The following TMIGD3 variants were observed in gnomAD, a reference collection of about 807,000 sequenced individuals.
TMIGD3 encodes transmembrane and immunoglobulin domain containing 3.
Under a neutral mutation model 28.1 loss-of-function variants are expected in TMIGD3, and 21 were observed. The observed-to-expected ratio is 0.75, with a 90% confidence interval of 0.53 to 1.08. TMIGD3 has a LOEUF of 1.08. TMIGD3 is among the 50% of genes least tolerant of loss of function. The probability of loss-of-function intolerance (pLI) is 0.00; values close to 1 mark genes in which losing one functional copy is unlikely to be tolerated. For synonymous variants in TMIGD3, 151 were observed against 162.1 expected (o/e 0.93, Z 0.52); for missense variants, 416 against 435.6 (o/e 0.96, Z 0.40).
intron 1 of TMIGD3, among the ~76,000 whole-genome samples, chr1:111,551,801 G>C (rs2101036609): frequency 6.7e-6 from 1 of 148,606 alleles, no homozygotes; most frequent in East Asian, 2.0e-4. Context: ...GAGGGATTCT[G>C]CAACTTTATT....
chr1:111,503,971 C>T (rs1316022119), upstream of TMIGD3: 2 of 985,310 alleles, frequency 2.0e-6, no homozygotes, highest in African/African-American at 1.7e-5. Flanking sequence ...AAAAAGATCT[C>T]ATGATAAGGA....
chr1:111,530,135 G>A (rs114139183), intron 1 of TMIGD3, among the ~76,000 whole-genome samples: 11,898 of 152,188 alleles, frequency 0.078, 626 homozygotes, highest in Middle Eastern at 0.17. Context: ...CTTTTGTGTC[G>A]GCTCATTAGC....
chr1:111,524,248 C>T (rs1364877405), intron 1 of TMIGD3, among the ~76,000 whole-genome samples: 1 of 151,990 alleles, frequency 6.6e-6, no homozygotes, highest in African/African-American at 2.4e-5. Context: ...CCAGGATGGT[C>T]TTGATCTCCT....
upstream of TMIGD3, among the ~76,000 whole-genome samples, chr1:111,506,913 TTA>T (rs3084253): frequency 1.6e-5 from 2 of 121,906 alleles, no homozygotes; most frequent in African/African-American, 7.4e-5. Context: ...TATATATATA[TTA>T]TATATATATA....
chr1:111,537,189 C>A (rs1352800358), intron 1 of TMIGD3, among the ~76,000 whole-genome samples: 1 of 152,218 alleles, frequency 6.6e-6, no homozygotes, highest in Non-Finnish European at 1.5e-5. Flanking sequence ...ACCATTGGAG[C>A]AATGGCTCCC....
intron 1 of TMIGD3, among the ~76,000 whole-genome samples, chr1:111,522,317 T>C (rs1419741487): frequency 3.3e-5 from 5 of 152,356 alleles, no homozygotes; most frequent in East Asian, 1.9e-4. Flanking sequence ...AGGAATTTGA[T>C]TGGATTGTGT....
chr1:111,552,522 TACTC>T (rs1193220657), intron 1 of TMIGD3, among the ~76,000 whole-genome samples: 2 of 152,220 alleles, frequency 1.3e-5, no homozygotes, highest in African/African-American at 4.8e-5. Flanking sequence ...CAGAGTACCT[TACTC>T]TACCATCTTC....
chr1:111,515,166 T>A lies in TMIGD3; in HGVS notation c.108-24404A>T, dbSNP rs113064542. Among the ~76,000 whole-genome samples, 1,353 of 152,316 alleles carry A rather than the reference T, an allele frequency of 8.9e-3. 18 individuals are homozygous for A. The highest frequency in any genetic ancestry group is 0.028 in the African/African-American group (1,170 of 41,556). On this transcript the variant is annotated intron_variant, in intron 1 of 5. Coordinates refer to the TMIGD3 transcript ENST00000369717. ...AACAGAAAGACAGCCCTTGGTCAGC[T>A]CTTCCACTGCGGAGGGAATCTCTAG...
At chr1:111,554,953 C>T (rs1657420032) in intron 1 of TMIGD3, among the ~76,000 whole-genome samples, 1 of 151,762 alleles carries the variant, frequency 6.6e-6, no homozygotes, top group South Asian at 2.1e-4. Flanking sequence ...GAAAAAGTGA[C>T]CTACCGAGAC....
intron 1 of TMIGD3, among the ~76,000 whole-genome samples, chr1:111,536,610 G>A (rs1366949926): frequency 1.3e-5 from 2 of 152,018 alleles, no homozygotes; most frequent in East Asian, 1.9e-4. Flanking sequence ...GCTCATACCC[G>A]CGATCCCTGT....
intron 1 of TMIGD3, among the ~76,000 whole-genome samples, chr1:111,493,190 T>G (rs1446624639): frequency 6.6e-6 from 1 of 152,190 alleles, no homozygotes; most frequent in Non-Finnish European, 1.5e-5. Context: ...ATAGTTTGCA[T>G]ATTTGACCCT....
At chr1:111,514,656 A>ACG (rs917270072) in intron 1 of TMIGD3, among the ~76,000 whole-genome samples, 4 of 151,644 alleles carry the variant, frequency 2.6e-5, no homozygotes, top group African/African-American at 9.7e-5. Context: ...ACACACACAC[A>ACG]CACACACACA....
chr1:111,541,536 G>A (rs931852541), intron 1 of TMIGD3, among the ~76,000 whole-genome samples: 9 of 152,162 alleles, frequency 5.9e-5, no homozygotes, highest in African/African-American at 1.7e-4. Context: ...TCAATGAAGC[G>A]TCCAAGTGGT....
intron 1 of TMIGD3, among the ~76,000 whole-genome samples, chr1:111,531,445 A>G (rs1251181663): frequency 6.6e-6 from 1 of 152,162 alleles, no homozygotes; most frequent in Non-Finnish European, 1.5e-5. Flanking sequence ...AACTTCATTC[A>G]GGTCTATTTT....
chr1:111,527,140 A>G (rs1656293922), intron 1 of TMIGD3, among the ~76,000 whole-genome samples: 1 of 149,460 alleles, frequency 6.7e-6, no homozygotes, highest in Admixed American at 6.8e-5. Context: ...TCTTCCAAGT[A>G]GCTGGGACTA....
intron 1 of TMIGD3, among the ~76,000 whole-genome samples, chr1:111,495,754 T>C (rs1654860193): frequency 6.6e-6 from 1 of 152,194 alleles, no homozygotes; most frequent in Non-Finnish European, 1.5e-5. Context: ...GGAATCAACC[T>C]AAATGCCCAT....
At chr1:111,511,381 G>C (rs1002356290) in intron 1 of TMIGD3, among the ~76,000 whole-genome samples, 3 of 152,118 alleles carry the variant, frequency 2.0e-5, no homozygotes, top group Admixed American at 2.0e-4. Flanking sequence ...GTACTCTCAG[G>C]TCTGTCTTCT....
chr1:111,496,328 C>A (rs542499274), intron 1 of TMIGD3, among the ~76,000 whole-genome samples: 63 of 152,300 alleles, frequency 4.1e-4, no homozygotes, highest in Admixed American at 1.6e-3. Context: ...CTTCTAGTTA[C>A]CCTGCCTACA....
chr1:111,549,778 A>T, intron 1 of TMIGD3, among the ~76,000 whole-genome samples: 1 of 152,066 alleles, frequency 6.6e-6, no homozygotes, highest in East Asian at 1.9e-4. Flanking sequence ...CCCCCCATGT[A>T]TCTAGAGCTA....
Sources: gnomAD v4.1 joint callset for allele counts (sites outside exome capture counted in the v4.1 genomes callset) on GRCh38, gnomAD v4.1.1 for gene constraint, MANE v1.5 for transcripts, NCBI Gene and HGNC (gene_info 2026-07-23, HGNC 2026-07-21) for gene names.